Variants in MTMR10 observed in about 807,000 individuals in gnomAD.
MTMR10 encodes the protein myotubularin-related protein 10.
In MTMR10, 56 loss-of-function variants were observed where a neutral mutation model predicts 88.1. The ratio of observed to expected loss-of-function variants is 0.64; its 90% CI spans 0.51 to 0.79. MTMR10 has a LOEUF of 0.79. Among genes scored for constraint, MTMR10 ranks in the 30% least tolerant of loss-of-function variants. The pLI, the probability that MTMR10 is intolerant of heterozygous loss-of-function variation, is 0.00. For missense variants in MTMR10, 883 were observed against 924.7 expected (o/e 0.95, Z 0.58); for synonymous variants, 380 against 340.9 (o/e 1.11, Z -1.26).
the MTMR10 span, chr15:30,929,223 CACAG>C: frequency 6.2e-7 from 1 of 1,612,650 alleles, no homozygotes; most frequent in Non-Finnish European, 8.5e-7. Context: ...TGGACTTGTG[CACAG>C]ACAGCTTCTT....
chr15:30,960,875 A>G lies in MTMR10; in HGVS notation c.758+6T>C, dbSNP rs750484124. On this transcript the variant is annotated splice_donor_region_variant and intron_variant, in intron 7 of 15. Coordinates refer to ENST00000435680, the MANE Select transcript of MTMR10 (RefSeq NM_017762.3). ...CCATATATAACATTGCTAAAATTGT[A>G]CTTACCAAGTGGATATCATGTAACC... 6.3e-7 allele frequency: 1 copy of G among 1,583,878 alleles called. No individual in the cohort carries two copies. The highest frequency in any genetic ancestry group is 8.6e-7 in the Non-Finnish European group (1 of 1,158,372).
the MTMR10 span, chr15:30,930,597 G>C: frequency 2.5e-6 from 4 of 1,612,820 alleles, no homozygotes; most frequent in Non-Finnish European, 3.4e-6. Flanking sequence ...CAGGCACCTG[G>C]CTGCTGACTT....
In MTMR10 at chr15:30,954,832, C is replaced by T; in HGVS notation, c.997G>A (p.Asp333Asn). 1 of 1,590,840 alleles carries T rather than the reference C, an allele frequency of 6.3e-7. No individual in the cohort carries two copies. Among genetic ancestry groups the T allele is most frequent in the Non-Finnish European group, 8.6e-7 (1 of 1,166,946 alleles). ...TCTTGAATATTAGGCAAGGTCTTATCCAAATCTGATTTGTAAACATCACTT... is the reference window on the plus strand; with the variant it reads ...TCTTGAATATTAGGCAAGGTCTTATTCAAATCTGATTTGTAAACATCACTT... ...QRSDVYKSDL[D>N]KTLPNIQEVQ... is the part of the protein sequence containing the mutation. Residue 333 changes from aspartate (D) to asparagine (N), a missense_variant, in exon 10 of 16, where the codon GAT becomes AAT. Asp to Asn is a conservative substitution (Grantham distance 23, BLOSUM62 1). Transcript: ENST00000435680.
At chr15:30,987,996 T>C (rs2031063013) in intron 2 of MTMR10, among the ~76,000 whole-genome samples, 1 of 152,084 alleles carries the variant, frequency 6.6e-6, no homozygotes, top group African/African-American at 2.4e-5. Context: ...TTGATTCTGA[T>C]AGTCACAAAG....
At chr15:30,931,679 A>G in the MTMR10 span, among the ~76,000 whole-genome samples, 1 of 152,198 alleles carries the variant, frequency 6.6e-6, no homozygotes, top group Non-Finnish European at 1.5e-5. Context: ...CAAGAAGACC[A>G]TGCTTCCTCC....
intron 6 of MTMR10, among the ~76,000 whole-genome samples, chr15:30,962,726 T>C (rs2063419223): frequency 6.6e-6 from 1 of 152,236 alleles, no homozygotes; most frequent in Non-Finnish European, 1.5e-5. Flanking sequence ...AATAAGATTT[T>C]ATCTCTATCT....
chr15:30,919,711 A>G, the MTMR10 span, among the ~76,000 whole-genome samples: 1 of 148,734 alleles, frequency 6.7e-6, no homozygotes, highest in Non-Finnish European at 1.5e-5. Flanking sequence ...AAAAAAAAAG[A>G]AAATCATAAG....
chr15:30,955,023 T>A, intron 9 of MTMR10, 130 bp from the exon 10 acceptor site: 1 of 677,446 alleles, frequency 1.5e-6, no homozygotes, highest in Admixed American at 4.3e-5. Context: ...GGAGTTTACT[T>A]TTTTTTTTTT....
chr15:30,946,376 ACT>A (rs1450336873), intron 14 of MTMR10: 1 of 221,406 alleles, frequency 4.5e-6, no homozygotes, highest in African/African-American at 2.3e-5. Flanking sequence ...AGCAACCTGG[ACT>A]CTCAGGCTGA....
At position 30,963,599 on chromosome 15, in the gene MTMR10, T is replaced by C. The variant is rs1405170394; in HGVS notation, c.566-2526A>G. ...TTGCAGTGAGCCGAGATCGTACCAG[T>C]GCACTCCAGCCTGAGCGACACAGCG... is the stretch of plus-strand genomic sequence containing the variant. On this transcript the variant is annotated intron_variant, in intron 6 of 15. Coordinates refer to ENST00000435680, the MANE Select transcript of MTMR10 (RefSeq NM_017762.3). Among the ~76,000 whole-genome samples, 4 of 152,018 alleles carry C rather than the reference T, an allele frequency of 2.6e-5. No homozygotes were observed. The East Asian group carries it at 7.7e-4, about 29-fold the overall frequency.
At chr15:30,969,264 G>GA (rs201259930) in intron 5 of MTMR10, among the ~76,000 whole-genome samples, 4,950 of 147,944 alleles carry the variant, frequency 0.033, 104 homozygotes, top group South Asian at 0.12. Context: ...TGACCAAAAA[G>GA]AAAAAAAAAA....
chr15:30,929,349 G>A, the MTMR10 span: 4 of 1,611,622 alleles, frequency 2.5e-6, no homozygotes, highest in Non-Finnish European at 3.4e-6. Context: ...AAGGCAGAGT[G>A]GCTTCCCTTG....
chr15:30,959,149 G>C, intron 7 of MTMR10, 28 bp from the exon 8 acceptor site: 1 of 1,540,168 alleles, frequency 6.5e-7, no homozygotes, highest in East Asian at 2.4e-5. Flanking sequence ...AATTATATGA[G>C]TGCTGTGCTA....
chr15:30,948,522 G>A, intron 12 of MTMR10, 51 bp from the exon 13 acceptor site: 2 of 1,528,798 alleles, frequency 1.3e-6, no homozygotes, highest in Admixed American at 2.1e-5. Flanking sequence ...AATGCTGAGA[G>A]AGAAAGGGAA....
At chr15:30,929,905 AAT>A in the MTMR10 span, among the ~76,000 whole-genome samples, 2 of 75,084 alleles carry the variant, frequency 2.7e-5, 1 homozygote. Flanking sequence ...TAATATATAA[AAT>A]ATATAATATA....
chr15:30,991,544 C>G lies in MTMR10; in HGVS notation c.-38G>C. 6 of 1,532,734 alleles carry G rather than the reference C, an allele frequency of 3.9e-6. No individual in the cohort carries two copies. The highest frequency in any genetic ancestry group is 5.2e-6 in the Non-Finnish European group (6 of 1,147,724). 94.9% of individuals were successfully genotyped at this position (1,532,734 alleles called of 1,614,324 possible). A position where few individuals can be genotyped will look rare whatever the true frequency, so the allele number is the denominator to read the frequency against. On this transcript the variant is annotated 5_prime_UTR_variant, in exon 1 of 16. Coordinates refer to ENST00000435680, the MANE Select transcript of MTMR10 (RefSeq NM_017762.3). ...TTTTCGCCCCGTTCCCGTCGCGGGC[C>G]AGTGGCAGCGCCGACGCCTCCGGGC...
At chr15:30,973,540 G>A (rs1425719894) in intron 5 of MTMR10, among the ~76,000 whole-genome samples, 2 of 152,076 alleles carry the variant, frequency 1.3e-5, no homozygotes, top group Non-Finnish European at 2.9e-5. Flanking sequence ...GCTTGGTGGT[G>A]CAAAGACTGC....
At chr15:30,945,452 G>A (rs1210123904) in intron 14 of MTMR10, among the ~76,000 whole-genome samples, 3 of 152,124 alleles carry the variant, frequency 2.0e-5, no homozygotes, top group African/African-American at 7.2e-5. Flanking sequence ...GGTGTCTGGG[G>A]GCTGGGAGTC....
chr15:30,990,794 T>C lies in MTMR10; in HGVS notation c.104A>G (p.Glu35Gly). The change falls in exon 2 of 16, where the codon GAG becomes GGG. Residue 35 changes from glutamate to glycine, a missense_variant. Transcript: ENST00000435680. ...ATGTTTACCTGGCAAAAGGACTGGC[T>C]CCAGTTTTTTAATCTTCGGTTCCGA... Reference protein sequence around the residue: ...INSEPKIKKLEPVLLPGEIVV... With the variant: ...INSEPKIKKLGPVLLPGEIVV... 1 of 1,610,174 alleles carries C rather than the reference T, an allele frequency of 6.2e-7. No individual in the cohort carries two copies. The highest frequency in any genetic ancestry group is 8.5e-7 in the Non-Finnish European group (1 of 1,178,128).
Sources: allele counts gnomAD v4.1 joint callset (sites outside exome capture counted in the v4.1 genomes callset), GRCh38; gene constraint gnomAD v4.1.1; transcripts MANE v1.5; gene names NCBI Gene and HGNC (gene_info 2026-07-23, HGNC 2026-07-21).